Variants in PKD1L1 observed in about 807,000 individuals in gnomAD.
PKD1L1 encodes the protein polycystin-1-like protein 1.
A neutral mutation model predicts 323.4 loss-of-function variants in PKD1L1; 236 were observed. The ratio of observed to expected loss-of-function variants is 0.73; its 90% CI spans 0.66 to 0.81. PKD1L1 has a LOEUF of 0.81. PKD1L1 is among the 40% of genes least tolerant of loss of function. The probability of loss-of-function intolerance (pLI) is 0.00; values close to 1 mark genes in which losing one functional copy is unlikely to be tolerated. For missense variants in PKD1L1, 3,320 were observed against 3,508.0 expected (o/e 0.95, Z 1.35); for synonymous variants, 1,344 against 1,335.0 (o/e 1.01, Z -0.15).
chr7:47,891,497 C>T (rs1477527690), intron 15 of PKD1L1, among the ~76,000 whole-genome samples: 1 of 152,188 alleles, frequency 6.6e-6, no homozygotes, highest in Non-Finnish European at 1.5e-5. Flanking sequence ...CAGCCATAAG[C>T]CCTTTTCAAA....
rs1014630056 is a variant in PKD1L1, at chr7:47,915,046, C to T, written c.1228+386G>A. ...CTACATTAAAACTAGAAATTAATAA[C>T]GAAAGCAGTTCACAAAAGAGGCCAC... On this transcript the variant is annotated intron_variant, in intron 8 of 56. Coordinates refer to ENST00000289672, the MANE Select transcript of PKD1L1 (RefSeq NM_138295.5). Among the ~76,000 whole-genome samples, 6 of 152,082 alleles carry T rather than the reference C, an allele frequency of 3.9e-5. No individual in the cohort carries two copies. In the East Asian group the frequency reaches 7.7e-4, roughly 20 times the overall value.
Position 47,873,656 on chromosome 7 carries a change from A to AG in PKD1L1, c.3896+242_3896+243insC, listed in dbSNP as rs1470975681. Among the ~76,000 whole-genome samples the AG allele has an allele frequency of 4.8e-5, 7 of 145,162 alleles. 1 individual carries two copies. Among genetic ancestry groups the AG allele is most frequent in the African/African-American group, 1.8e-4 (7 of 38,324 alleles). On this transcript the variant is annotated intron_variant, in intron 24 of 56. Transcript: ENST00000289672. ...CAGGCGGAGACTCTGTCTCAAAAAA[A>AG]AAAAAAAAAAAAAAAGAAGGAGAAG... is the stretch of plus-strand genomic sequence containing the variant.
intron 3 of PKD1L1, among the ~76,000 whole-genome samples, chr7:47,939,318 T>C (rs1043228878): frequency 6.6e-6 from 1 of 152,154 alleles, no homozygotes; most frequent in African/African-American, 2.4e-5. Flanking sequence ...GCATGAGGAA[T>C]ACTGAAAAAT....
At chr7:47,949,824 G>A (rs752670741), upstream of PKD1L1, among the ~76,000 whole-genome samples, 9 of 152,098 alleles carry the variant, frequency 5.9e-5, no homozygotes, top group South Asian at 4.2e-4. Flanking sequence ...ACGGGTGTCC[G>A]GCCTTGGATC....
At chr7:47,941,693 C>T (rs1787988881) in intron 2 of PKD1L1, among the ~76,000 whole-genome samples, 1 of 152,042 alleles carries the variant, frequency 6.6e-6, no homozygotes, top group Non-Finnish European at 1.5e-5. Flanking sequence ...TGGACACATC[C>T]GAGAGGAAGA....
chr7:47,910,953 G>A (rs1326070266), intron 8 of PKD1L1, among the ~76,000 whole-genome samples: 2 of 151,586 alleles, frequency 1.3e-5, no homozygotes, highest in African/African-American at 4.9e-5. Context: ...CAAAGTGCTG[G>A]GATTACAGGC....
intron 55 of PKD1L1, among the ~76,000 whole-genome samples, chr7:47,792,999 G>A (rs1050340203): frequency 1.3e-5 from 2 of 151,202 alleles, no homozygotes; most frequent in African/African-American, 4.9e-5. Flanking sequence ...CAATAATAAT[G>A]TACGTATACA....
chr7:47,842,899 C>G, intron 34 of PKD1L1, 63 bp downstream of exon 34: 1 of 1,467,430 alleles, frequency 6.8e-7, no homozygotes, highest in Non-Finnish European at 9.3e-7. Flanking sequence ...TCACCAAATC[C>G]TCACTTCTGA....
At chr7:47,803,473 C>T (rs1414734299) in intron 52 of PKD1L1, 129 bp from the exon 53 acceptor site, 14 of 1,042,202 alleles carry the variant, frequency 1.3e-5, no homozygotes, top group East Asian at 5.1e-5. Flanking sequence ...CATGAGTCTC[C>T]GAGGGACATC....
At chr7:47,940,791 ACC>A (rs1229720041) in intron 2 of PKD1L1, among the ~76,000 whole-genome samples, 1 of 152,126 alleles carries the variant, frequency 6.6e-6, no homozygotes, top group East Asian at 1.9e-4. Flanking sequence ...GGTAGCACGG[ACC>A]TGGCTGACGT....
intron 43 of PKD1L1, 114 bp from the exon 44 acceptor site, chr7:47,829,715 G>A (rs538493860): frequency 1.8e-6 from 2 of 1,130,896 alleles, no homozygotes; most frequent in African/African-American, 3.1e-5. Flanking sequence ...CAGTTTTAAA[G>A]ACACCAGTAG....
chr7:47,936,165 T>C (rs1787863728), intron 4 of PKD1L1, among the ~76,000 whole-genome samples: 1 of 152,230 alleles, frequency 6.6e-6, no homozygotes. Flanking sequence ...TTTTTTTAAA[T>C]TGTGGTAAAA....
At chr7:47,808,221 T>G in intron 52 of PKD1L1, 26 bp downstream of exon 52, 1 of 1,612,812 alleles carries the variant, frequency 6.2e-7, no homozygotes, top group Middle Eastern at 1.7e-4. Flanking sequence ...GGCCTCTATC[T>G]GCATGGCCCT....
chr7:47,889,287 TA>T, intron 16 of PKD1L1, among the ~76,000 whole-genome samples: 1 of 152,350 alleles, frequency 6.6e-6, no homozygotes, highest in Middle Eastern at 3.4e-3. Flanking sequence ...TATTTTAAAA[TA>T]AATTCTGTAA....
chr7:47,856,361 T>A (rs1785904662), intron 28 of PKD1L1, among the ~76,000 whole-genome samples: 1 of 152,202 alleles, frequency 6.6e-6, no homozygotes, highest in South Asian at 2.1e-4. Flanking sequence ...ATTTTTGCAG[T>A]CTTCCCAAAT....
chr7:47,873,879 T>C lies in PKD1L1; in HGVS notation c.3896+20A>G, dbSNP rs2128745156. On this transcript the variant is annotated intron_variant, in intron 24 of 56. Transcript: ENST00000289672. Reference sequence around the variant, plus strand: ...ATACAAATAATGGCTAGGATGTCTGTGTGGCATTGTGTTACTCACAGGTCC... The same window carrying C: ...ATACAAATAATGGCTAGGATGTCTGCGTGGCATTGTGTTACTCACAGGTCC... The C allele has an allele frequency of 6.4e-7, 1 of 1,564,138 alleles. No individual in the cohort carries two copies. The highest frequency in any genetic ancestry group is 8.8e-7 in the Non-Finnish European group (1 of 1,139,294).
chr7:47,843,553 T>C (rs1045340418), intron 33 of PKD1L1, among the ~76,000 whole-genome samples: 16 of 152,314 alleles, frequency 1.1e-4, no homozygotes, highest in African/African-American at 3.4e-4. Context: ...TGCCATTATG[T>C]TCCTCCCTCT....
chr7:47,822,875 A>G (rs1174557697), intron 45 of PKD1L1, among the ~76,000 whole-genome samples: 2 of 151,928 alleles, frequency 1.3e-5, no homozygotes, highest in Admixed American at 6.6e-5. Flanking sequence ...CATTACTGGT[A>G]TATAGGAATA....
chr7:47,900,314 C>T (rs1365633877), intron 13 of PKD1L1, among the ~76,000 whole-genome samples: 1 of 152,212 alleles, frequency 6.6e-6, no homozygotes, highest in Non-Finnish European at 1.5e-5. Context: ...CATCTCTAGG[C>T]TTGTCAAGAT....
Sources: gnomAD v4.1 joint callset for allele counts (sites outside exome capture counted in the v4.1 genomes callset) on GRCh38, gnomAD v4.1.1 for gene constraint, MANE v1.5 for transcripts, NCBI Gene and HGNC (gene_info 2026-07-23, HGNC 2026-07-21) for gene names.